Variants in KCNK10 observed in about 807,000 individuals in gnomAD.
KCNK10 encodes potassium two pore domain channel subfamily K member 10, also known as potassium channel subfamily K member 10.
Under a neutral mutation model 47.7 loss-of-function variants are expected in KCNK10, and 25 were observed. That is an observed-to-expected ratio of 0.52 (90% confidence interval 0.38 to 0.73). KCNK10 has a LOEUF of 0.73. KCNK10 is among the 30% of genes least tolerant of loss of function. The pLI, the probability that KCNK10 is intolerant of heterozygous loss-of-function variation, is 0.00. For synonymous variants in KCNK10, 303 were observed against 285.6 expected (o/e 1.06, Z -0.61); for missense variants, 563 against 714.5 (o/e 0.79, Z 2.42).
intron 1 of KCNK10, among the ~76,000 whole-genome samples, chr14:88,288,526 G>A (rs1887814539): frequency 6.6e-6 from 1 of 152,028 alleles, no homozygotes; most frequent in South Asian, 2.1e-4. Flanking sequence ...CAGCCCATTA[G>A]CCATTGTTGT....
At chr14:88,256,550 T>G (rs1190797244) in intron 2 of KCNK10, among the ~76,000 whole-genome samples, 2 of 152,060 alleles carry the variant, frequency 1.3e-5, no homozygotes, top group East Asian at 3.9e-4. Flanking sequence ...AATAGCAACT[T>G]GCTGTGCTGA....
chr14:88,266,912 T>A (rs546895339), intron 1 of KCNK10, among the ~76,000 whole-genome samples: 5 of 152,304 alleles, frequency 3.3e-5, no homozygotes, highest in African/African-American at 1.2e-4. Flanking sequence ...TGGGCAGAAT[T>A]GGGCTTGAGA....
At chr14:88,286,448 C>A (rs1469933152) in intron 1 of KCNK10, among the ~76,000 whole-genome samples, 1 of 152,098 alleles carries the variant, frequency 6.6e-6, no homozygotes, top group Non-Finnish European at 1.5e-5. Context: ...GGAAACATGG[C>A]AAAAACCAGG....
chr14:88,235,347 G>C (rs1342760484), intron 3 of KCNK10: 1 of 422,886 alleles, frequency 2.4e-6, no homozygotes, highest in Admixed American at 2.7e-5. Context: ...AAAAAAATGT[G>C]AAAAGAGTAG....
At chr14:88,258,837 T>C (rs1003597177) in intron 2 of KCNK10, among the ~76,000 whole-genome samples, 1 of 152,184 alleles carries the variant, frequency 6.6e-6, no homozygotes, top group Non-Finnish European at 1.5e-5. Context: ...CTCCCCACGA[T>C]GGCTGTAAGA....
chr14:88,300,885 T>C (rs1243979106), intron 1 of KCNK10, among the ~76,000 whole-genome samples: 2 of 152,202 alleles, frequency 1.3e-5, no homozygotes, highest in Non-Finnish European at 1.5e-5. Flanking sequence ...AAATCATTTA[T>C]CCTATATTAG....
In KCNK10 at chr14:88,322,692, G is replaced by T; in HGVS notation, c.52+55C>A. ...AGAGTGCTTCCACTCAAGGAAGCGC[G>T]CACACGCCGGAGACAGAGGCAGGGC... On this transcript the variant is annotated intron_variant, in intron 1 of 6. Transcript: ENST00000319231. This position sits in a 1 kb window ranked among gnomAD's most constrained non-coding sequence, Gnocchi z 4.8. 1 of 1,609,642 alleles carries T rather than the reference G, an allele frequency of 6.2e-7. No individual in the cohort carries two copies. The highest frequency in any genetic ancestry group is 8.5e-7 in the Non-Finnish European group (1 of 1,176,128).
chr14:88,268,990 T>C (rs1392107518), intron 1 of KCNK10, among the ~76,000 whole-genome samples: 1 of 152,082 alleles, frequency 6.6e-6, no homozygotes, highest in Non-Finnish European at 1.5e-5. Flanking sequence ...ATACAAAAAT[T>C]AGCCGGGTAT....
chr14:88,194,875 A>C (rs1257897595), intron 4 of KCNK10, among the ~76,000 whole-genome samples: 1 of 152,174 alleles, frequency 6.6e-6, no homozygotes, highest in East Asian at 1.9e-4. Flanking sequence ...TAGGGACTTA[A>C]GAAATGCGCG....
rs151168178 is a variant in KCNK10 at position 88,258,853 on chromosome 14, G to A, written c.402+4349C>T. 2.8e-3 allele frequency among the ~76,000 whole-genome samples: 426 copies of A among 152,214 alleles called. 2 individuals carry two copies. Among genetic ancestry groups the A allele is most frequent in the Non-Finnish European group, 4.6e-3 (310 of 68,010 alleles). ...TCCCCACGATGGCTGTAAGAGCTAC[G>A]GCTCTTCTAGGCTATCCAGCCATTT... On this transcript the variant is annotated intron_variant, in intron 2 of 6. Transcript: ENST00000319231.
chr14:88,207,421 G>A (rs7145230), intron 4 of KCNK10, among the ~76,000 whole-genome samples: 3,283 of 152,140 alleles, frequency 0.022, 120 homozygotes, highest in African/African-American at 0.074. Flanking sequence ...TGATCCGCCC[G>A]CCTCAGCCTC....
intron 4 of KCNK10, among the ~76,000 whole-genome samples, chr14:88,218,357 G>C (rs973490805): frequency 6.6e-6 from 1 of 152,172 alleles, no homozygotes; most frequent in African/African-American, 2.4e-5. Context: ...TGGTTGATCA[G>C]TCCACTAATT....
intron 3 of KCNK10, among the ~76,000 whole-genome samples, chr14:88,229,475 G>GTAT (rs33913726): frequency 0.066 from 10,059 of 151,346 alleles, 633 homozygotes; most frequent in East Asian, 0.24. Context: ...CCAATGCAAA[G>GTAT]TATTATTATT....
intron 1 of KCNK10, among the ~76,000 whole-genome samples, chr14:88,288,917 A>C (rs1204956418): frequency 6.6e-6 from 1 of 152,122 alleles, no homozygotes; most frequent in Non-Finnish European, 1.5e-5. Context: ...TCTCCCCTCC[A>C]GTCTCTTCCT....
rs565835610 is a variant in KCNK10, at chr14:88,185,220, C to T, written c.*315G>A. 8 of 300,380 alleles carry T rather than the reference C, an allele frequency of 2.7e-5. No individual in the cohort carries two copies. The highest frequency in any genetic ancestry group is 2.3e-4 in the East Asian group (3 of 12,768). The allele number at this position is 300,380 out of a possible 1,614,324, so 18.6% of individuals were successfully genotyped here. On this transcript the variant is annotated 3_prime_UTR_variant, in exon 7 of 7. Coordinates refer to ENST00000319231, the MANE Select transcript of KCNK10 (RefSeq NM_138317.3). The surrounding 1 kb of genome is among the most constrained non-coding windows in gnomAD (Gnocchi z 4.3). ...TCTAAGGAATAGCTGCCCTTGTCTA[C>T]GTGTGTGCCCAGGTAGCACTGCCCA...
At chr14:88,308,713 C>T (rs1420897539) in intron 1 of KCNK10, among the ~76,000 whole-genome samples, 1 of 152,216 alleles carries the variant, frequency 6.6e-6, no homozygotes, top group Non-Finnish European at 1.5e-5. Context: ...CAGTCTCGTC[C>T]CAGTATACAT....
intron 1 of KCNK10, among the ~76,000 whole-genome samples, chr14:88,306,087 G>T (rs940759303): frequency 3.9e-5 from 6 of 152,218 alleles, no homozygotes; most frequent in African/African-American, 1.4e-4. Flanking sequence ...GAGCTGAAGT[G>T]GTGCGAGCAG....
At chr14:88,243,532 C>T (rs1363409682) in intron 2 of KCNK10, among the ~76,000 whole-genome samples, 1 of 152,138 alleles carries the variant, frequency 6.6e-6, no homozygotes, top group African/African-American at 2.4e-5. Context: ...GCCATTGTCC[C>T]AGAATTTAGG....
chr14:88,297,235 C>G (rs540252922), intron 1 of KCNK10, among the ~76,000 whole-genome samples: 5 of 152,260 alleles, frequency 3.3e-5, no homozygotes, highest in African/African-American at 7.2e-5. Context: ...AAAGTTGCCA[C>G]AGTGGAAAAA....
Sources: allele counts gnomAD v4.1 joint callset (sites outside exome capture counted in the v4.1 genomes callset), GRCh38; gene constraint gnomAD v4.1.1; non-coding constraint Gnocchi (gnomAD v3.1); transcripts MANE v1.5; gene names NCBI Gene and HGNC (gene_info 2026-07-23, HGNC 2026-07-21).